The following ORC6 variants were observed in gnomAD, a reference collection of about 807,000 sequenced individuals.
ORC6 encodes origin recognition complex, subunit 6 homolog-like (yeast).
Under a neutral mutation model 30.0 loss-of-function variants are expected in ORC6, and 31 were observed. The observed-to-expected ratio is 1.03, with a 90% CI of 0.78 to 1.40. The LOEUF is 1.40. Ranked by LOEUF, ORC6 falls within the 40% of genes most tolerant of loss-of-function variation. The pLI, the probability that ORC6 is intolerant of heterozygous loss-of-function variation, is 0.00. For synonymous variants in ORC6, 136 were observed against 111.2 expected, an observed-to-expected ratio of 1.22 and a Z score of -1.40; for missense variants, 340 against 304.3, an observed-to-expected ratio of 1.12 and a Z score of -0.87.
In ORC6 at chr16:46,689,759, C is replaced by G. The variant is rs901914072; in HGVS notation, c.54C>G (p.Pro18=). 5 of 1,597,448 alleles carry G rather than the reference C, an allele frequency of 3.1e-6. No individual in the cohort carries two copies. The highest frequency in any genetic ancestry group is 3.4e-5 in the Admixed American group (2 of 58,042). ...CCCCGCGCCTGGGCCTCGCCGAGCCCGACATGCTGAGGTGAGTTCGGCCGC... is the reference window on the plus strand; with the variant it reads ...CCCCGCGCCTGGGCCTCGCCGAGCCGGACATGCTGAGGTGAGTTCGGCCGC... The part of the protein sequence containing the change: ...RLAPRLGLAE[P]DMLRKAEEYL... The change falls in exon 1 of 7, where the codon CCC becomes CCG. Residue 18 remains proline (P), a synonymous_variant. Transcript: ENST00000219097.
At position 46,689,720 on chromosome 16, in the gene ORC6, G is replaced by A. The variant is rs1966401836; in HGVS notation, c.15G>A (p.Leu5=). Residue 5 remains leucine, a synonymous_variant, in exon 1 of 7, where the codon CTG becomes CTA. Transcript: ENST00000219097. ...GTGCCGGCGCCATGGGGTCGGAGCT[G>A]ATCGGGCGCCTAGCCCCGCGCCTGG... The part of the protein sequence containing the change: MGSE[L]IGRLAPRLGL... The A allele has an allele frequency of 1.2e-6, 2 of 1,602,222 alleles. No homozygotes were observed. The highest frequency in any genetic ancestry group is 1.7e-6 in the Non-Finnish European group (2 of 1,174,602).
At chr16:46,689,943 T>C in intron 1 of ORC6, 173 bp downstream of exon 1, 1 of 930,296 alleles carries the variant, frequency 1.1e-6, no homozygotes, top group Non-Finnish European at 1.5e-6. Context: ...TGAGCTTGAA[T>C]GAGATGGCAA....
intron 1 of ORC6, chr16:46,690,704 C>G (rs1966425464): frequency 2.3e-6 from 1 of 438,628 alleles, no homozygotes; most frequent in East Asian, 5.1e-5. Context: ...CTGCCTGTCT[C>G]TGATAGTTCG....
chr16:46,693,201 A>T lies in ORC6; in HGVS notation c.449+19A>T, dbSNP rs372614341. Reference sequence around the variant, plus strand: ...CATGCAAGTAGGTATTTCATTAAACATTCAGAAAAGTTACCAATTTACAAG... The same window carrying T: ...CATGCAAGTAGGTATTTCATTAAACTTTCAGAAAAGTTACCAATTTACAAG... On this transcript the variant is annotated intron_variant, in intron 4 of 6. Coordinates refer to ENST00000219097, the MANE Select transcript of ORC6 (RefSeq NM_014321.4). 158 of 1,555,908 alleles carry T rather than the reference A, an allele frequency of 1.0e-4. No individual in the cohort carries two copies. Among genetic ancestry groups the T allele is most frequent in the Non-Finnish European group, 1.4e-4 (156 of 1,127,356 alleles).
Position 46,697,802 on chromosome 16 carries a change from C to T in ORC6, c.*217C>T, listed in dbSNP as rs143138864. Reference sequence around the variant, plus strand: ...AGCCACAGTGCCTGATTGGTATAGCCTTATGTGCTTTCCTACAAAATGGAA... The same window carrying T: ...AGCCACAGTGCCTGATTGGTATAGCTTTATGTGCTTTCCTACAAAATGGAA... On this transcript the variant is annotated 3_prime_UTR_variant, in exon 7 of 7. Transcript: ENST00000219097. The T allele has an allele frequency of 7.6e-4, 495 of 648,490 alleles. 10 individuals are homozygous for T. In the East Asian group the frequency reaches 0.015, roughly 20 times the overall value. The allele number at this position is 648,490 out of a possible 1,614,324, so 40.2% of individuals were successfully genotyped here.
At chr16:46,690,824 T>C in intron 1 of ORC6, 167 bp from the exon 2 acceptor site, 1 of 716,852 alleles carries the variant, frequency 1.4e-6, no homozygotes, top group Non-Finnish European at 2.5e-6. Flanking sequence ...TCAGTGCTGG[T>C]TCTGTCTTCC....
At chr16:46,695,968 C>G in intron 5 of ORC6, 49 bp from the exon 6 acceptor site, 1 of 1,349,014 alleles carries the variant, frequency 7.4e-7, no homozygotes, top group Non-Finnish European at 1.1e-6. Flanking sequence ...TGCCCAAATA[C>G]TGAAATTGAG....
rs774483397 is a variant in ORC6 at position 46,697,759 on chromosome 16, T to C, written c.*174T>C. The C allele has an allele frequency of 1.5e-5, 11 of 730,834 alleles. No individual in the cohort carries two copies. In the Admixed American group the frequency reaches 2.0e-4, roughly 13 times the overall value. 45.3% of individuals were successfully genotyped at this position (730,834 alleles called of 1,614,324 possible). Reference sequence around the variant, plus strand: ...TAAGTCTGGGCAGTGGGCTGGCCCCTGGTGTGAGCATTAGACCAGCCACAG... The same window carrying C: ...TAAGTCTGGGCAGTGGGCTGGCCCCCGGTGTGAGCATTAGACCAGCCACAG... On this transcript the variant is annotated 3_prime_UTR_variant, in exon 7 of 7. Coordinates refer to ENST00000219097, the MANE Select transcript of ORC6 (RefSeq NM_014321.4).
At chr16:46,696,702 C>G (rs1313970238) in intron 6 of ORC6, among the ~76,000 whole-genome samples, 4 of 152,184 alleles carry the variant, frequency 2.6e-5, no homozygotes, top group African/African-American at 9.7e-5. Context: ...CTCACCCATG[C>G]TAGAGTGCAG....
intron 1 of ORC6, 180 bp downstream of exon 1, chr16:46,689,950 G>A (rs1394732488): frequency 1.1e-5 from 9 of 825,512 alleles, no homozygotes; most frequent in Non-Finnish European, 1.2e-5. Flanking sequence ...GAATGAGATG[G>A]CAAGAAGGGC....
rs3218744 is a variant in ORC6 at position 46,691,019 on chromosome 16, C to T, written c.94C>T (p.Arg32Trp). The change falls in exon 2 of 7, where the codon CGG (arginine) becomes TGG (tryptophan). Residue 32 changes from arginine to tryptophan, a missense_variant. Arg to Trp is a moderately radical substitution (Grantham distance 101). Transcript: ENST00000219097. ...RKAEEYLRLSRVKCVGLSART... is the reference protein window; with the variant it reads ...RKAEEYLRLSWVKCVGLSART... The stretch of plus-strand genomic sequence containing the variant: ...AGCAGAGGAGTACTTGCGCCTGTCC[C>T]GGGTGAAGTGTGTCGGCCTCTCCGC... The T allele has an allele frequency of 4.3e-6, 7 of 1,614,068 alleles. No individual in the cohort carries two copies. The Admixed American group carries it at 6.7e-5, about 15-fold the overall frequency.
chr16:46,692,723 C>T (rs1966460307), intron 3 of ORC6, among the ~76,000 whole-genome samples, 178 bp downstream of exon 3: 1 of 152,134 alleles, frequency 6.6e-6, no homozygotes, highest in Non-Finnish European at 1.5e-5. Flanking sequence ...CAAAAATTAG[C>T]TGGGCGAGGC....
chr16:46,690,768 TAAC>T, intron 1 of ORC6: 1 of 595,448 alleles, frequency 1.7e-6, no homozygotes, highest in Non-Finnish European at 3.0e-6. Context: ...TGTCAAAATT[TAAC>T]TTCCTTTTGC....
In ORC6 at chr16:46,695,659, G is replaced by GTT. The variant is rs1221340552; in HGVS notation, c.547_548insTT (p.Gly183ValfsTer12). 1.2e-6 allele frequency: 2 copies of GTT among 1,601,188 alleles called. No individual in the cohort carries two copies. The highest frequency in any genetic ancestry group is 3.3e-5 in the Admixed American group (2 of 60,008). The stretch of plus-strand genomic sequence containing the variant: ...ACTGTGTAAACAACTAGAGAAGATT[G>GTT]GACAGCAGGTCGACAGTAAGTATTC... On this transcript the variant is annotated frameshift_variant, in exon 5 of 7. Coordinates refer to ENST00000219097, the MANE Select transcript of ORC6 (RefSeq NM_014321.4). LOFTEE classifies it high-confidence loss of function.
intron 2 of ORC6, among the ~76,000 whole-genome samples, chr16:46,691,978 T>TCTCTCTCTCTCTCTCTCTCACC (rs1966448947): frequency 1.3e-5 from 2 of 148,268 alleles, no homozygotes; most frequent in Admixed American, 1.3e-4. Context: ...TCTCTCTCTC[T>TCTCTCTCTCTCTCTCTCTCACC]CTCACCACCC....
Position 46,696,396 on chromosome 16 carries a change from C to T in ORC6, c.631+311C>T, listed in dbSNP as rs200132193. On this transcript the variant is annotated intron_variant, in intron 6 of 6. Transcript: ENST00000219097. ...CTACAGCTAGGTATTTGTCTTAAAC[C>T]TGGGCATGGTCTGATGGGAAGTCCC... Among the ~76,000 whole-genome samples the T allele has an allele frequency of 2.2e-4, 33 of 152,272 alleles. No individual in the cohort carries two copies. In the East Asian group the frequency reaches 6.0e-3, roughly 28 times the overall value.
chr16:46,689,857 G>A, intron 1 of ORC6, 87 bp downstream of exon 1: 1 of 1,458,182 alleles, frequency 6.9e-7, no homozygotes, highest in Non-Finnish European at 9.0e-7. Flanking sequence ...CCCAGGCGAC[G>A]GGCGGCGGGG....
intron 6 of ORC6, 149 bp from the exon 7 acceptor site, chr16:46,697,309 A>AC: frequency 2.9e-6 from 2 of 684,012 alleles, no homozygotes; most frequent in Non-Finnish European, 5.0e-6. Flanking sequence ...ACATTACAAG[A>AC]CCCCATCTCA....
chr16:46,697,414 C>T, intron 6 of ORC6, 44 bp from the exon 7 acceptor site: 1 of 1,559,360 alleles, frequency 6.4e-7, no homozygotes, highest in African/African-American at 1.4e-5. Flanking sequence ...AATTTCATTT[C>T]TAAGCTAAGA....
Sources: allele counts gnomAD v4.1 joint callset (sites outside exome capture counted in the v4.1 genomes callset), GRCh38; gene constraint gnomAD v4.1.1; transcripts MANE v1.5; gene names NCBI Gene and HGNC (gene_info 2026-07-23, HGNC 2026-07-21).